Variants in MED12L observed in about 807,000 individuals in gnomAD.
MED12L encodes mediator complex subunit 12L.
Under a neutral mutation model 281.3 loss-of-function variants are expected in MED12L, and 60 were observed. That is an observed-to-expected ratio of 0.21 (90% CI 0.17 to 0.26). MED12L has a LOEUF of 0.26. MED12L is among the 10% of genes least tolerant of loss of function. The pLI, the probability that MED12L is intolerant of heterozygous loss-of-function variation, is 1.00. For missense variants in MED12L, 2,146 were observed against 2,680.9 expected, an observed-to-expected ratio of 0.80 and a Z score of 4.41; for synonymous variants, 974 against 987.2, an observed-to-expected ratio of 0.99 and a Z score of 0.25.
At position 151,369,232 on chromosome 3, in the gene MED12L, G is replaced by A. The variant is rs557443890; in HGVS notation, c.3551-204G>A. On this transcript the variant is annotated intron_variant, in intron 25 of 44. Coordinates refer to ENST00000687756, the MANE Select transcript of MED12L (RefSeq NM_001393769.1). The stretch of plus-strand genomic sequence containing the variant: ...TTGATGTAGCTCTCTGAGGAGGAAC[G>A]ACATTGTTTTAATAAATAAAAAGAA... 8.4e-4 allele frequency among the ~76,000 whole-genome samples: 128 copies of A among 152,250 alleles called. 1 individual carries two copies. The highest frequency in any genetic ancestry group is 1.5e-3 in the Non-Finnish European group (99 of 68,014).
chr3:151,394,853 C>T lies in MED12L; in HGVS notation c.5806C>T (p.Arg1936Trp), dbSNP rs771033584. The T allele has an allele frequency of 9.3e-6, 15 of 1,613,930 alleles. No homozygotes were observed. Among genetic ancestry groups the T allele is most frequent in the Admixed American group, 6.7e-5 (4 of 60,014 alleles). ...GCGACTTCTCAGGCAAGCCCAGACT[C>T]GGCCTTTCCAACAGGTTTGTCCAGA... Reference protein sequence around the residue: ...QQRLLRQAQTRPFQQGQPGDQ... With the variant: ...QQRLLRQAQTWPFQQGQPGDQ... Residue 1936 changes from arginine to tryptophan, a missense_variant, in exon 39 of 45, where the codon CGG becomes TGG. Around this residue, in one of 9 missense-constraint regions of MED12L, gnomAD observed 496 missense variants for 512.0 expected, o/e 0.97. Coordinates refer to ENST00000687756, the MANE Select transcript of MED12L (RefSeq NM_001393769.1).
chr3:151,388,004 G>T lies in MED12L; in HGVS notation c.5283G>T (p.Gln1761His). ...CCAAGCCCCGCAGTTACTACCTCCA[G>T]CCACTGCCCCTGCCTCCTGAGGAGG... ...PMPKPRSYYLQPLPLPPEEEE... is the reference protein window; with the variant it reads ...PMPKPRSYYLHPLPLPPEEEE... The change falls in exon 37 of 45, where the codon CAG becomes CAT. Residue 1761 changes from glutamine (Q) to histidine (H), a missense_variant. Transcript: ENST00000687756. 1 of 1,613,988 alleles carries T rather than the reference G, an allele frequency of 6.2e-7. No homozygotes were observed. The highest frequency in any genetic ancestry group is 8.5e-7 in the Non-Finnish European group (1 of 1,179,982).
At chr3:151,149,552 C>T (rs1397247871) in intron 5 of MED12L, among the ~76,000 whole-genome samples, 1 of 152,104 alleles carries the variant, frequency 6.6e-6, no homozygotes, top group African/African-American at 2.4e-5. Context: ...TGGCTGCTGA[C>T]TGATCTAGGT....
intron 16 of MED12L, among the ~76,000 whole-genome samples, chr3:151,218,244 A>G (rs899179336): frequency 6.6e-6 from 1 of 152,204 alleles, no homozygotes; most frequent in African/African-American, 2.4e-5. Context: ...TTCCCTGCCC[A>G]CTTCTCAGTT....
intron 16 of MED12L, among the ~76,000 whole-genome samples, chr3:151,226,160 G>A (rs912600480): frequency 2.6e-5 from 4 of 152,314 alleles, no homozygotes; most frequent in African/African-American, 9.6e-5. Flanking sequence ...CAGTGAGCAC[G>A]TATCTAGTTT....
Position 151,292,863 on chromosome 3 carries a change from G to A in MED12L, c.2251-57196G>A, listed in dbSNP as rs182486054. On this transcript the variant is annotated intron_variant, in intron 16 of 44. Coordinates refer to ENST00000687756, the MANE Select transcript of MED12L (RefSeq NM_001393769.1). ...CTGGGGAAAGTGGAGAAAAGAATTGGCCTTTCAAATTGCCTTTTCTTAATT... is the reference window on the plus strand; with the variant it reads ...CTGGGGAAAGTGGAGAAAAGAATTGACCTTTCAAATTGCCTTTTCTTAATT... Among the ~76,000 whole-genome samples, 40 of 152,286 alleles carry A rather than the reference G, an allele frequency of 2.6e-4. No individual in the cohort carries two copies. In the East Asian group the frequency reaches 6.9e-3, roughly 26 times the overall value.
chr3:151,129,264 C>G (rs1560075928), intron 5 of MED12L, among the ~76,000 whole-genome samples: 3 of 152,108 alleles, frequency 2.0e-5, no homozygotes, highest in Admixed American at 6.5e-5. Flanking sequence ...AGCATGAACA[C>G]TTAAAATTAA....
intron 5 of MED12L, among the ~76,000 whole-genome samples, chr3:151,151,031 C>CTTTTTTTTTTTTTTTTTTTT: frequency 0.013 from 426 of 32,880 alleles, 165 homozygotes; most frequent in African/African-American, 0.015. Flanking sequence ...GCTGAAGTAG[C>CTTTTTTTTTTTTTTTTTTTT]TTTTTTTTTT....
rs144128158 is a variant in MED12L at position 151,328,718 on chromosome 3, G to T, written c.2251-21341G>T. On this transcript the variant is annotated intron_variant, in intron 16 of 44. Transcript: ENST00000687756. The stretch of plus-strand genomic sequence containing the variant: ...CACCGAAGAAAAACGACACACAAAA[G>T]CTCTGAGCTGCCAGGGTGCCAGGTG... The T allele has an allele frequency of 4.5e-3, 7,236 of 1,613,992 alleles. 25 individuals carry two copies. The highest frequency in any genetic ancestry group is 5.3e-3 in the Non-Finnish European group (6,236 of 1,179,950).
At chr3:151,345,517 C>CTT (rs201731496) in intron 16 of MED12L, among the ~76,000 whole-genome samples, 107 of 131,636 alleles carry the variant, frequency 8.1e-4, no homozygotes, top group Non-Finnish European at 1.0e-3. Flanking sequence ...TTTTCTTTTT[C>CTT]TTTTTTTTTT....
intron 16 of MED12L, among the ~76,000 whole-genome samples, chr3:151,292,953 A>G (rs185931233): frequency 8.5e-5 from 13 of 152,320 alleles, no homozygotes; most frequent in African/African-American, 2.4e-4. Flanking sequence ...GGTGATAGCT[A>G]TGCAAATGAC....
chr3:151,202,600 G>A (rs940556695), intron 16 of MED12L, among the ~76,000 whole-genome samples: 2 of 152,246 alleles, frequency 1.3e-5, no homozygotes, highest in Non-Finnish European at 1.5e-5. Flanking sequence ...AACCCGGGAT[G>A]TGGAGGTTGA....
At chr3:151,230,385 T>C (rs1731414262) in intron 16 of MED12L, among the ~76,000 whole-genome samples, 1 of 152,246 alleles carries the variant, frequency 6.6e-6, no homozygotes, top group Admixed American at 6.5e-5. Context: ...GAAAATAGTC[T>C]TATGTCTTGC....
chr3:151,248,347 A>G (rs948786368), intron 16 of MED12L, among the ~76,000 whole-genome samples: 1 of 152,292 alleles, frequency 6.6e-6, no homozygotes, highest in African/African-American at 2.4e-5. Flanking sequence ...TTTAGAGAAG[A>G]CATCACAGCT....
At chr3:151,408,241 A>G (rs1417590514) in intron 39 of MED12L, among the ~76,000 whole-genome samples, 2 of 152,212 alleles carry the variant, frequency 1.3e-5, no homozygotes, top group Admixed American at 1.3e-4. Flanking sequence ...AAATGAGAGT[A>G]AGAACCAGAA....
intron 16 of MED12L, among the ~76,000 whole-genome samples, chr3:151,255,107 C>CA (rs1393253895): frequency 6.6e-6 from 1 of 152,052 alleles, no homozygotes; most frequent in African/African-American, 2.4e-5. Context: ...AAGATAGGAA[C>CA]TTTCGAGTCA....
intron 16 of MED12L, chr3:151,199,398 G>T (rs761556814): frequency 4.4e-6 from 7 of 1,588,220 alleles, no homozygotes; most frequent in Non-Finnish European, 6.0e-6. Flanking sequence ...TTGAGGGAAA[G>T]TAAGGATGAC....
At chr3:151,375,970 C>CATATATACATAT in intron 27 of MED12L, 56 bp from the exon 28 acceptor site, 1 of 811,842 alleles carries the variant, frequency 1.2e-6, no homozygotes. Context: ...GTACATATTG[C>CATATATACATAT]ATATATATAT....
Position 151,086,779 on chromosome 3 carries a change from T to G in MED12L, c.-129-19T>G. On this transcript the variant is annotated intron_variant, in intron 1 of 44. Coordinates refer to ENST00000687756, the MANE Select transcript of MED12L (RefSeq NM_001393769.1). ...GGGCAGCGGCAGCATCCAACCTGCT[T>G]TATTCCTCCTGCCTGCAGCGCCACA... 3.2e-6 allele frequency: 2 copies of G among 616,542 alleles called. No individual in the cohort carries two copies. Among genetic ancestry groups the G allele is most frequent in the Non-Finnish European group, 2.8e-6 (1 of 352,918 alleles). 38.2% of individuals were successfully genotyped at this position (616,542 alleles called of 1,614,324 possible). A position where few individuals can be genotyped will look rare whatever the true frequency, so the allele number is the denominator to read the frequency against.
Sources: gnomAD v4.1 joint callset for allele counts (sites outside exome capture counted in the v4.1 genomes callset) on GRCh38, gnomAD v4.1.1 for gene constraint, gnomAD v4.1.1 regional missense constraint, MANE v1.5 for transcripts, NCBI Gene and HGNC (gene_info 2026-07-23, HGNC 2026-07-21) for gene names.